TMPRSS3: variants seen among roughly 807,000 people sequenced by gnomAD.
TMPRSS3 encodes transmembrane protease serine 3.
In TMPRSS3, 55 loss-of-function variants were observed where a neutral mutation model predicts 59.6. The observed-to-expected ratio is 0.92, with a 90% CI of 0.74 to 1.16. The LOEUF (loss-of-function observed/expected upper bound fraction) is 1.16. Among genes scored for constraint, TMPRSS3 ranks in the 50% most tolerant of loss-of-function variants. The probability of loss-of-function intolerance (pLI) is 0.00; values close to 1 mark genes in which losing one functional copy is unlikely to be tolerated. For missense variants in TMPRSS3, 596 were observed against 579.4 expected (o/e 1.03, Z -0.29); for synonymous variants, 257 against 237.7 (o/e 1.08, Z -0.75).
chr21:42,384,936 A>C (rs564050008), intron 6 of TMPRSS3, among the ~76,000 whole-genome samples: 17 of 150,570 alleles, frequency 1.1e-4, no homozygotes, highest in Non-Finnish European at 2.1e-4. Flanking sequence ...GTTGGGGAAA[A>C]CATGTAAAAT....
chr21:42,390,203 C>T (rs2052712869), intron 2 of TMPRSS3, 166 bp from the exon 3 acceptor site: 3 of 665,700 alleles, frequency 4.5e-6, no homozygotes, highest in East Asian at 2.8e-5. Flanking sequence ...GGGGCACATT[C>T]TCTAGTTCAG....
chr21:42,389,113 C>T, intron 3 of TMPRSS3, 68 bp from the exon 4 acceptor site: 1 of 1,605,578 alleles, frequency 6.2e-7, no homozygotes, highest in Non-Finnish European at 8.5e-7. Flanking sequence ...ACAACTGTCC[C>T]CCTGCCACAC....
chr21:42,372,571 A>G lies in TMPRSS3; in HGVS notation c.*191T>C, dbSNP rs116789917. 2.3e-3 allele frequency: 1,701 copies of G among 749,974 alleles called. 19 individuals carry two copies. The African/African-American group carries it at 0.026, about 11-fold the overall frequency. The allele number at this position is 749,974 out of a possible 1,614,324, so 46.5% of individuals were successfully genotyped here. The stretch of plus-strand genomic sequence containing the variant: ...CGAGACTCCATCTCAAAAAAACAAA[A>G]AACAAAAAGCAGCTTGAAGGTTGTG... On this transcript the variant is annotated 3_prime_UTR_variant, in exon 13 of 13. Transcript: ENST00000644384.
At chr21:42,377,815 T>C (rs2052456440) in intron 10 of TMPRSS3, among the ~76,000 whole-genome samples, 1 of 152,138 alleles carries the variant, frequency 6.6e-6, no homozygotes. Context: ...CTCAATGCAT[T>C]ATGGGAGAAG....
chr21:42,379,998 C>G, intron 10 of TMPRSS3, 119 bp downstream of exon 10: 3 of 833,664 alleles, frequency 3.6e-6, no homozygotes, highest in Non-Finnish European at 6.0e-6. Context: ...CATGCACTCC[C>G]TGGCCGGGGT....
At chr21:42,383,714 A>C (rs895298311) in intron 7 of TMPRSS3, 1 of 687,402 alleles carries the variant, frequency 1.5e-6, no homozygotes, top group African/African-American at 1.8e-5. Context: ...CTTCAGAGTG[A>C]TGGGACATCA....
At chr21:42,395,178 T>TGCA in intron 2 of TMPRSS3, 146 bp downstream of exon 2, 2 of 733,546 alleles carry the variant, frequency 2.7e-6, no homozygotes, top group Non-Finnish European at 2.5e-6. Flanking sequence ...CCTGAGATTC[T>TGCA]GCAGATCTAG....
rs1310276340 is a variant in TMPRSS3 at position 42,382,054 on chromosome 21, C to A, written c.952+11G>T. 2.5e-6 allele frequency: 4 copies of A among 1,614,210 alleles called. No homozygotes were observed. Among genetic ancestry groups the A allele is most frequent in the Admixed American group, 1.7e-5 (1 of 60,024 alleles). On this transcript the variant is annotated intron_variant, in intron 9 of 12. Coordinates refer to ENST00000644384, the MANE Select transcript of TMPRSS3 (RefSeq NM_001256317.3). ...GAAGAGCTGCAGAACCACATAGAGA[C>A]CCAGATGTACCATTGAACGTGAGTG...
At position 42,389,964 on chromosome 21, in the gene TMPRSS3, G is replaced by C. The variant is rs2052706501; in HGVS notation, c.168C>G (p.Ile56Met). ...LKFFPIIVIG[I>M]IALILALAIG... ...TGGCCAGTGCTAATATCAATGCAAT[G>C]ATCCCAATGACGATGATTGGAAAAA... Residue 56 changes from isoleucine (I) to methionine (M), a missense_variant, in exon 3 of 13, where the codon ATC (isoleucine) becomes ATG (methionine). Physicochemically the swap from Ile to Met is conservative, Grantham distance 10 (BLOSUM62 1). Coordinates refer to ENST00000644384, the MANE Select transcript of TMPRSS3 (RefSeq NM_001256317.3). 1 of 1,613,826 alleles carries C rather than the reference G, an allele frequency of 6.2e-7. No individual in the cohort carries two copies. Among genetic ancestry groups the C allele is most frequent in the African/African-American group, 1.3e-5 (1 of 74,934 alleles).
Position 42,372,492 on chromosome 21 carries a change from G to T in TMPRSS3, c.*270C>A. On this transcript the variant is annotated 3_prime_UTR_variant, in exon 13 of 13. Transcript: ENST00000644384. ...AGAGAATCGCTTGAACCAGGGAAGC[G>T]GAGGCTGCAGTGAGCAGGGATTTCG... is the stretch of plus-strand genomic sequence containing the variant. The T allele has an allele frequency of 1.6e-6, 1 of 615,568 alleles. No homozygotes were observed. The highest frequency in any genetic ancestry group is 1.8e-5 in the African/African-American group (1 of 55,310). The allele number at this position is 615,568 out of a possible 1,614,324, so 38.1% of individuals were successfully genotyped here. A position where few individuals can be genotyped will look rare whatever the true frequency, so the allele number is the denominator to read the frequency against.
intron 5 of TMPRSS3, 116 bp from the exon 6 acceptor site, chr21:42,385,650 CCCCAAA>C: frequency 7.3e-7 from 1 of 1,378,144 alleles, no homozygotes; most frequent in Non-Finnish European, 1.0e-6. Context: ...CATTTTGTCC[CCCCAAA>C]CCCATCAAAG....
At chr21:42,387,553 G>A (rs549897426) in intron 5 of TMPRSS3, among the ~76,000 whole-genome samples, 228 of 152,282 alleles carry the variant, frequency 1.5e-3, no homozygotes, top group South Asian at 4.6e-3. Flanking sequence ...CTGGAGGCTG[G>A]AGGGCATTTT....
At chr21:42,387,645 G>A (rs190642035) in intron 5 of TMPRSS3, among the ~76,000 whole-genome samples, 50 of 152,254 alleles carry the variant, frequency 3.3e-4, no homozygotes, top group African/African-American at 1.2e-3. Context: ...AGGACTCAGG[G>A]CAGTGTGGCT....
rs376253981 is a variant in TMPRSS3, at chr21:42,388,399, T to A, written c.446+4A>T. 9.3e-6 allele frequency: 15 copies of A among 1,614,262 alleles called. No individual in the cohort carries two copies. Among genetic ancestry groups the A allele is most frequent in the African/African-American group, 6.7e-5 (5 of 75,064 alleles). On this transcript the variant is annotated splice_donor_region_variant and intron_variant, in intron 5 of 12. Coordinates refer to ENST00000644384, the MANE Select transcript of TMPRSS3 (RefSeq NM_001256317.3). This position sits in a 1 kb window ranked among gnomAD's most constrained non-coding sequence, Gnocchi z 5.1. Reference sequence around the variant, plus strand: ...CCATGGGTTGGAAATGCTCTTTAACTTACCTTGGGAAACCCAGTTGGGCAC... The same window carrying A: ...CCATGGGTTGGAAATGCTCTTTAACATACCTTGGGAAACCCAGTTGGGCAC...
intron 10 of TMPRSS3, 72 bp from the exon 11 acceptor site, chr21:42,376,755 G>T (rs1194972276): frequency 9.9e-6 from 16 of 1,608,304 alleles, no homozygotes; most frequent in Non-Finnish European, 1.4e-5. Context: ...CGCATGCTGA[G>T]ACCAGGGGGG....
intron 10 of TMPRSS3, among the ~76,000 whole-genome samples, chr21:42,378,707 CT>C (rs959853173): frequency 2.0e-5 from 3 of 151,590 alleles, no homozygotes; most frequent in South Asian, 2.1e-4. Context: ...TAAATCTCCA[CT>C]TTTTTTTTGT....
chr21:42,384,201 A>G (rs1601525267), intron 6 of TMPRSS3, among the ~76,000 whole-genome samples, 188 bp from the exon 7 acceptor site: 1 of 151,674 alleles, frequency 6.6e-6, no homozygotes, highest in African/African-American at 2.4e-5. Flanking sequence ...AATTCATTGT[A>G]AAACACTCAA....
Position 42,395,474 on chromosome 21 carries a change from C to A in TMPRSS3, c.-51-6G>T. On this transcript the variant is annotated splice_polypyrimidine_tract_variant and splice_region_variant and intron_variant, in intron 1 of 12. Transcript: ENST00000644384. ...TCCGCCTCCACCTCTACCTCCTTAG[C>A]CGAGGAAGAACAGAAAGCATTTGTT... The A allele has an allele frequency of 7.0e-7, 1 of 1,427,104 alleles. No homozygotes were observed. The highest frequency in any genetic ancestry group is 9.9e-7 in the Non-Finnish European group (1 of 1,011,612). 88.4% of individuals were successfully genotyped at this position (1,427,104 alleles called of 1,614,324 possible). A position where few individuals can be genotyped will look rare whatever the true frequency, so the allele number is the denominator to read the frequency against.
chr21:42,395,350 T>C lies in TMPRSS3; in HGVS notation c.68A>G (p.Asp23Gly), dbSNP rs1797639870. Residue 23 changes from aspartate (D) to glycine (G), a missense_variant, in exon 2 of 13, where the codon GAT becomes GGT. Physicochemically the swap from Asp to Gly is moderately conservative, Grantham distance 94. Coordinates refer to ENST00000644384, the MANE Select transcript of TMPRSS3 (RefSeq NM_001256317.3). The part of the protein sequence containing the change: ...FSFRSLFGLD[D>G]LKISPVAPDA... ...TGGTGCAACAGGACTTATTTTCAAA[T>C]CATCAAGGCCAAAAAGCGATCGGAA... 6.2e-7 allele frequency: 1 copy of C among 1,614,042 alleles called. No homozygotes were observed. The highest frequency in any genetic ancestry group is 8.5e-7 in the Non-Finnish European group (1 of 1,179,998).
Sources: gnomAD v4.1 joint callset for allele counts (sites outside exome capture counted in the v4.1 genomes callset) on GRCh38, gnomAD v4.1.1 for gene constraint, Gnocchi (gnomAD v3.1) non-coding constraint, MANE v1.5 for transcripts, NCBI Gene and HGNC (gene_info 2026-07-23, HGNC 2026-07-21) for gene names.